Variants in CSMD1 observed in about 807,000 individuals in gnomAD.
The protein encoded by CSMD1 is CUB and sushi domain-containing protein 1.
CSMD1 carries 213 observed loss-of-function variants against 417.5 expected under a neutral mutation model. That is an observed-to-expected ratio of 0.51 (90% CI 0.46 to 0.57). CSMD1 has a LOEUF of 0.57. Ranked by LOEUF, CSMD1 falls within the 20% of genes least tolerant of loss-of-function variation. The pLI is 0.00. For synonymous variants in CSMD1, 2,862 were observed against 1,736.8 expected, an observed-to-expected ratio of 1.65 and a Z score of -16.11; for missense variants, 6,923 against 4,529.7, an observed-to-expected ratio of 1.53 and a Z score of -15.17.
intron 2 of CSMD1, among the ~76,000 whole-genome samples, chr8:4,539,932 A>G (rs1484604450): frequency 6.6e-6 from 1 of 152,060 alleles, no homozygotes; most frequent in Non-Finnish European, 1.5e-5. Flanking sequence ...TTCTCTTCCC[A>G]TCTACCCCAG....
intron 5 of CSMD1, among the ~76,000 whole-genome samples, chr8:3,956,755 C>G (rs2740852): frequency 0.19 from 28,159 of 151,986 alleles, 2,906 homozygotes; most frequent in Admixed American, 0.3. Flanking sequence ...TAGCCCAACT[C>G]CAAAGCTTAG....
chr8:4,402,218 C>G (rs1045359794), intron 3 of CSMD1, among the ~76,000 whole-genome samples: 1 of 152,166 alleles, frequency 6.6e-6, no homozygotes, highest in Non-Finnish European at 1.5e-5. Flanking sequence ...ATGCTCTTAT[C>G]TCTGTTTTGG....
chr8:4,789,731 C>G (rs1797593518), intron 1 of CSMD1, among the ~76,000 whole-genome samples: 1 of 152,098 alleles, frequency 6.6e-6, no homozygotes, highest in South Asian at 2.1e-4. Context: ...GATTGTATAG[C>G]AATGCTCCCA....
intron 3 of CSMD1, among the ~76,000 whole-genome samples, chr8:4,221,612 G>C (rs1046132526): frequency 3.3e-5 from 5 of 152,224 alleles, no homozygotes; most frequent in Admixed American, 2.6e-4. Context: ...AGACCTCTGA[G>C]AATAGTGAAT....
chr8:4,065,061 GATT>G (rs1211547808), intron 3 of CSMD1, among the ~76,000 whole-genome samples: 1 of 152,024 alleles, frequency 6.6e-6, no homozygotes, highest in Non-Finnish European at 1.5e-5. Flanking sequence ...AAAAATTACT[GATT>G]ATAATTTTAC....
intron 3 of CSMD1, among the ~76,000 whole-genome samples, chr8:4,352,134 G>A (rs1801134404): frequency 6.6e-6 from 1 of 152,026 alleles, no homozygotes; most frequent in African/African-American, 2.4e-5. Context: ...CTGGCCTGTG[G>A]CCCCAACTCA....
chr8:3,969,169 G>C (rs556030780), intron 5 of CSMD1, among the ~76,000 whole-genome samples: 174 of 152,280 alleles, frequency 1.1e-3, no homozygotes, highest in African/African-American at 3.8e-3. Context: ...AGAATTGCTT[G>C]AACCTGGGAG....
chr8:3,325,896 G>A (rs529493610), intron 23 of CSMD1, among the ~76,000 whole-genome samples: 1 of 152,122 alleles, frequency 6.6e-6, no homozygotes, highest in South Asian at 2.1e-4. Context: ...TCCACTATCA[G>A]ATCATCACAA....
At chr8:4,387,668 C>A (rs1191055986) in intron 3 of CSMD1, among the ~76,000 whole-genome samples, 7 of 143,344 alleles carry the variant, frequency 4.9e-5, no homozygotes, top group Non-Finnish European at 1.1e-4. Flanking sequence ...AAAACTACAT[C>A]AATTAAGGGC....
intron 7 of CSMD1, among the ~76,000 whole-genome samples, chr8:3,693,969 G>GTT (rs1245564881): frequency 6.6e-6 from 1 of 151,182 alleles, no homozygotes. Flanking sequence ...GTGTGTGTGT[G>GTT]TTGGGTATGT....
intron 11 of CSMD1, 192 bp from the exon 12 acceptor site, chr8:3,469,016 G>A (rs1387242971): frequency 2.2e-6 from 1 of 446,160 alleles, no homozygotes; most frequent in Non-Finnish European, 4.0e-6. Context: ...GTGCTTTACA[G>A]AAATTACTCT....
intron 41 of CSMD1, chr8:3,127,726 C>T (rs556439164): frequency 6.6e-6 from 1 of 152,198 alleles, no homozygotes; most frequent in South Asian, 2.1e-4. Flanking sequence ...ATGCCTAAAG[C>T]ATTAAAATTA....
intron 10 of CSMD1, among the ~76,000 whole-genome samples, chr8:3,503,962 G>C (rs1009747073): frequency 2.0e-5 from 3 of 152,166 alleles, no homozygotes; most frequent in Admixed American, 2.0e-4. Context: ...GCGTGGACAA[G>C]AAGTGGTTGA....
chr8:3,020,761 A>T (rs1468574623), intron 51 of CSMD1, among the ~76,000 whole-genome samples: 1 of 152,140 alleles, frequency 6.6e-6, no homozygotes, highest in African/African-American at 2.4e-5. Context: ...ACTACCAGAA[A>T]TTGGGAGGTC....
chr8:4,581,281 A>G (rs1050169548), intron 2 of CSMD1, among the ~76,000 whole-genome samples: 1 of 152,220 alleles, frequency 6.6e-6, no homozygotes, highest in African/African-American at 2.4e-5. Flanking sequence ...CATGAAGAAA[A>G]AAGAACAAGA....
At chr8:3,811,965 C>T (rs548970907) in intron 5 of CSMD1, among the ~76,000 whole-genome samples, 1 of 151,958 alleles carries the variant, frequency 6.6e-6, no homozygotes, top group East Asian at 1.9e-4. Flanking sequence ...TTTTTGTTTG[C>T]TTCAGTGTTT....
At chr8:4,357,810 CA>C (rs1801515009) in intron 3 of CSMD1, among the ~76,000 whole-genome samples, 1 of 151,688 alleles carries the variant, frequency 6.6e-6, no homozygotes, top group Non-Finnish European at 1.5e-5. Flanking sequence ...GGAGAAATAC[CA>C]AAATAGTATT....
At chr8:3,797,016 T>C (rs567272283) in intron 5 of CSMD1, among the ~76,000 whole-genome samples, 5 of 151,980 alleles carry the variant, frequency 3.3e-5, no homozygotes, top group Admixed American at 2.6e-4. Context: ...TGTTGTTAAT[T>C]ATATAAATTT....
chr8:4,976,718 C>T (rs1321366615), intron 1 of CSMD1, among the ~76,000 whole-genome samples: 2 of 152,176 alleles, frequency 1.3e-5, no homozygotes, highest in African/African-American at 4.8e-5. Flanking sequence ...TACCCCATGC[C>T]ATGTCCAGCA....
Sources: allele counts gnomAD v4.1 joint callset (sites outside exome capture counted in the v4.1 genomes callset), GRCh38; gene constraint gnomAD v4.1.1; transcripts MANE v1.5; gene names NCBI Gene and HGNC (gene_info 2026-07-23, HGNC 2026-07-21).